Variants in ADAM18 observed in about 807,000 individuals in gnomAD.
The protein encoded by ADAM18 is ADAM metallopeptidase domain 18.
In ADAM18, 117 loss-of-function variants were observed where a neutral mutation model predicts 94.4. The observed-to-expected ratio is 1.24, with a 90% CI of 1.07 to 1.45. The LOEUF is 1.45. Ranked by LOEUF, ADAM18 falls within the 40% of genes most tolerant of loss-of-function variation. The pLI is 0.00. For missense variants in ADAM18, 936 were observed against 880.0 expected (o/e 1.06, Z -0.81); for synonymous variants, 327 against 291.6 (o/e 1.12, Z -1.24).
At chr8:39,664,745 T>C (rs1014111591) in intron 13 of ADAM18, among the ~76,000 whole-genome samples, 6 of 152,116 alleles carry the variant, frequency 3.9e-5, no homozygotes, top group African/African-American at 1.4e-4. Context: ...TTTATTGATA[T>C]TGGAATGATT....
chr8:39,601,372 C>T (rs1484783979), intron 2 of ADAM18, among the ~76,000 whole-genome samples: 2 of 152,194 alleles, frequency 1.3e-5, no homozygotes, highest in Non-Finnish European at 2.9e-5. Context: ...TACTTGTTTC[C>T]TCCACATTTG....
intron 6 of ADAM18, among the ~76,000 whole-genome samples, chr8:39,613,496 A>G (rs754129571): frequency 1.3e-5 from 2 of 152,138 alleles, no homozygotes; most frequent in Non-Finnish European, 2.9e-5. Context: ...AAGGACAAAA[A>G]CTTTAAACAA....
chr8:39,604,089 G>A (rs540158618), intron 2 of ADAM18, among the ~76,000 whole-genome samples: 3 of 152,058 alleles, frequency 2.0e-5, no homozygotes, highest in African/African-American at 7.2e-5. Context: ...TCTGCTCTTC[G>A]CCACATGCTG....
chr8:39,620,877 A>AG (rs1318840353), intron 6 of ADAM18, among the ~76,000 whole-genome samples: 1 of 151,796 alleles, frequency 6.6e-6, no homozygotes, highest in Admixed American at 6.6e-5. Context: ...TGAGGAGGTG[A>AG]GAGGGGTAGA....
At chr8:39,639,909 C>A (rs1820189350) in intron 10 of ADAM18, among the ~76,000 whole-genome samples, 1 of 151,876 alleles carries the variant, frequency 6.6e-6, no homozygotes, top group African/African-American at 2.4e-5. Flanking sequence ...TATGTGTATC[C>A]CTCTTTCATA....
chr8:39,628,757 G>A (rs1029039645), intron 6 of ADAM18, among the ~76,000 whole-genome samples: 1 of 152,004 alleles, frequency 6.6e-6, no homozygotes, highest in Admixed American at 6.6e-5. Flanking sequence ...AAATGAGGAT[G>A]TAATAATTGA....
chr8:39,606,363 G>C lies in ADAM18; in HGVS notation c.188+1G>C. On this transcript the variant is annotated splice_donor_variant, in intron 3 of 19. Transcript: ENST00000265707. LOFTEE classifies it high-confidence loss of function. ...CTTACACTCTACATCTCGGAAAACA[G>C]TAAGATATGATTTTTTTTTCATTAA... The C allele has an allele frequency of 6.5e-7, 1 of 1,538,500 alleles. No homozygotes were observed. The highest frequency in any genetic ancestry group is 1.2e-5 in the South Asian group (1 of 81,920).
chr8:39,632,947 A>C (rs1819973761), intron 7 of ADAM18, among the ~76,000 whole-genome samples: 2 of 152,142 alleles, frequency 1.3e-5, no homozygotes. Context: ...CATAATGGCC[A>C]ATGTTATGAC....
At chr8:39,720,780 G>T (rs934346878) in intron 18 of ADAM18, among the ~76,000 whole-genome samples, 8 of 151,346 alleles carry the variant, frequency 5.3e-5, no homozygotes, top group African/African-American at 1.9e-4. Context: ...CTACTAATAG[G>T]AATATAATGG....
At chr8:39,616,538 A>C (rs1171887808) in intron 6 of ADAM18, among the ~76,000 whole-genome samples, 1 of 152,222 alleles carries the variant, frequency 6.6e-6, no homozygotes, top group African/African-American at 2.4e-5. Flanking sequence ...TTCATATGGG[A>C]CCAAAAAAAG....
intron 14 of ADAM18, among the ~76,000 whole-genome samples, chr8:39,668,957 G>A (rs1048484335): frequency 5.9e-5 from 9 of 152,044 alleles, no homozygotes; most frequent in African/African-American, 2.2e-4. Flanking sequence ...AGATTAGGAG[G>A]CTTAAACGAA....
chr8:39,640,063 T>C (rs955804767), intron 10 of ADAM18, among the ~76,000 whole-genome samples: 1 of 152,132 alleles, frequency 6.6e-6, no homozygotes, highest in Non-Finnish European at 1.5e-5. Context: ...GTACAGGATG[T>C]GCAGGTTTGT....
intron 12 of ADAM18, among the ~76,000 whole-genome samples, chr8:39,659,930 C>T (rs547930862): frequency 1.1e-4 from 16 of 152,084 alleles, no homozygotes; most frequent in Non-Finnish European, 2.2e-4. Context: ...GACAATCCAT[C>T]TGCAAAGAAA....
At chr8:39,617,151 A>G (rs1159214874) in intron 6 of ADAM18, among the ~76,000 whole-genome samples, 1 of 151,866 alleles carries the variant, frequency 6.6e-6, no homozygotes, top group Non-Finnish European at 1.5e-5. Context: ...AATTTACAAG[A>G]AAAAAAAGAA....
intron 12 of ADAM18, among the ~76,000 whole-genome samples, chr8:39,654,468 C>A (rs1271618764): frequency 6.8e-6 from 1 of 146,622 alleles, no homozygotes; most frequent in Non-Finnish European, 1.5e-5. Flanking sequence ...TGATTACACA[C>A]CTTGGCTATT....
intron 10 of ADAM18, among the ~76,000 whole-genome samples, chr8:39,644,065 C>T (rs1392902003): frequency 6.6e-6 from 1 of 151,958 alleles, no homozygotes; most frequent in Non-Finnish European, 1.5e-5. Flanking sequence ...TACATACAAA[C>T]ATGTACACAA....
intron 12 of ADAM18, among the ~76,000 whole-genome samples, chr8:39,649,271 GGTAAAACCTATAT>G (rs948082111): frequency 2.0e-5 from 3 of 151,698 alleles, no homozygotes; most frequent in African/African-American, 7.3e-5. Flanking sequence ...TATTTCACAA[GGTAAAACCTATAT>G]GTATGAGGCT....
chr8:39,585,031 G>C (rs749605886), intron 1 of ADAM18, among the ~76,000 whole-genome samples: 8 of 152,106 alleles, frequency 5.3e-5, no homozygotes, highest in Non-Finnish European at 1.0e-4. Context: ...ATTCTAAAAG[G>C]GAACCAGAGG....
At chr8:39,596,947 T>C (rs1306489196) in intron 2 of ADAM18, among the ~76,000 whole-genome samples, 1 of 152,168 alleles carries the variant, frequency 6.6e-6, no homozygotes, top group Admixed American at 6.5e-5. Context: ...AGAGCAGTAT[T>C]AGGTTCAGAG....
Sources: gnomAD v4.1 joint callset for allele counts (sites outside exome capture counted in the v4.1 genomes callset) on GRCh38, gnomAD v4.1.1 for gene constraint, MANE v1.5 for transcripts, NCBI Gene and HGNC (gene_info 2026-07-23, HGNC 2026-07-21) for gene names.